The following SYNE1 variants were observed in gnomAD, a reference collection of about 807,000 sequenced individuals.
The protein encoded by SYNE1 is nesprin-1.
In SYNE1, 616 loss-of-function variants were observed where a neutral mutation model predicts 1,111.0. The ratio of observed to expected loss-of-function variants is 0.55; its 90% CI spans 0.52 to 0.59. The LOEUF (loss-of-function observed/expected upper bound fraction) is 0.59. Ranked by LOEUF, SYNE1 falls within the 20% of genes least tolerant of loss-of-function variation. SYNE1 has a pLI of 0.00. For synonymous variants in SYNE1, 3,855 were observed against 3,825.8 expected (o/e 1.01, Z -0.28); for missense variants, 10,006 against 10,417.0 (o/e 0.96, Z 1.72).
rs111619095 is a variant in SYNE1, at chr6:152,569,858, G to A, written c.68-29837C>T. 7.0e-3 allele frequency among the ~76,000 whole-genome samples: 1,066 copies of A among 152,214 alleles called. 20 individuals carry two copies. The highest frequency in any genetic ancestry group is 0.024 in the African/African-American group (1,015 of 41,530). On this transcript the variant is annotated intron_variant, in intron 3 of 145. Transcript: ENST00000367255. ...TATGTTTGTTTGATTTTTGATGCTA[G>A]TAAAATAGCTGTAGAAACAAGTCTT...
chr6:152,254,849 G>A (rs1370469345), intron 104 of SYNE1, 31 bp downstream of exon 104: 6 of 1,588,608 alleles, frequency 3.8e-6, no homozygotes, highest in Non-Finnish European at 5.2e-6. Flanking sequence ...CTAGAGAATG[G>A]TCACGTATCC....
In SYNE1 at chr6:152,236,948, T is replaced by C; in HGVS notation, c.20068A>G (p.Thr6690Ala). The change falls in exon 109 of 146, where the codon ACG (threonine) becomes GCG (alanine). Residue 6690 changes from threonine to alanine, a missense_variant and splice_region_variant. Transcript: ENST00000367255. Reference sequence around the variant, plus strand: ...TGGTCCTCATCCAGATGGGACCACGTCTAGAAACACAACATGAGTCTGTGA... The same window carrying C: ...TGGTCCTCATCCAGATGGGACCACGCCTAGAAACACAACATGAGTCTGTGA... Reference protein sequence around the residue: ...RGVELEYILETWSHLDEDQQE... With the variant: ...RGVELEYILEAWSHLDEDQQE... The C allele has an allele frequency of 6.2e-7, 1 of 1,613,750 alleles. No homozygotes were observed. The highest frequency in any genetic ancestry group is 8.5e-7 in the Non-Finnish European group (1 of 1,179,960).
chr6:152,180,383 A>C, intron 128 of SYNE1, 89 bp from the exon 129 acceptor site: 1 of 1,256,674 alleles, frequency 8.0e-7, no homozygotes, highest in Non-Finnish European at 1.1e-6. Context: ...CTAGGACTAA[A>C]ATGAATGATA....
chr6:152,451,035 T>C lies in SYNE1; in HGVS notation c.3186+12A>G. The C allele has an allele frequency of 6.2e-7, 1 of 1,614,152 alleles. No homozygotes were observed. Among genetic ancestry groups the C allele is most frequent in the South Asian group, 1.1e-5 (1 of 91,074 alleles). On this transcript the variant is annotated intron_variant, in intron 26 of 145. Transcript: ENST00000367255. ...TGACACGGCTATCCACATTGTGGTG[T>C]GGGAGACGTACCCTGTGCTCTTTAA...
Position 152,196,807 on chromosome 6 carries a change from C to T in SYNE1, c.23145+5017G>A, listed in dbSNP as rs117023348. On this transcript the variant is annotated intron_variant, in intron 127 of 145. Coordinates refer to ENST00000367255, the MANE Select transcript of SYNE1 (RefSeq NM_182961.4). The stretch of plus-strand genomic sequence containing the variant: ...TGGTGTGTCACCGGGTCATGTACCC[C>T]CAAGTCCACTGGCTCCAAGCCCAGT... Among the ~76,000 whole-genome samples the T allele has an allele frequency of 1.4e-4, 21 of 152,112 alleles. 1 individual carries two copies. In the East Asian group the frequency reaches 4.1e-3, roughly 30 times the overall value.
chr6:152,397,602 A>C (rs181542972), intron 49 of SYNE1, among the ~76,000 whole-genome samples: 90 of 152,322 alleles, frequency 5.9e-4, no homozygotes, highest in African/African-American at 2.0e-3. Context: ...AGCTTCCTTT[A>C]CTATAACGAT....
At chr6:152,130,839 A>G in intron 144 of SYNE1, 61 bp from the exon 145 acceptor site, 2 of 1,552,564 alleles carry the variant, frequency 1.3e-6, no homozygotes, top group Non-Finnish European at 8.9e-7. Context: ...AATAAAGACA[A>G]GCTACTAATG....
chr6:152,384,919 T>C (rs1037500731), intron 55 of SYNE1, among the ~76,000 whole-genome samples: 1 of 151,998 alleles, frequency 6.6e-6, no homozygotes, highest in African/African-American at 2.4e-5. Flanking sequence ...GTGGTTACAA[T>C]TGTAACCATC....
At chr6:152,195,407 C>A (rs549166401) in intron 127 of SYNE1, among the ~76,000 whole-genome samples, 85 of 152,238 alleles carry the variant, frequency 5.6e-4, no homozygotes, top group African/African-American at 1.9e-3. Flanking sequence ...TAGTTGTAGT[C>A]GGGACTTGTT....
rs869031827 is a variant in SYNE1 at position 152,377,608 on chromosome 6, T to TA, written c.9010-697dup. Among the ~76,000 whole-genome samples the TA allele has an allele frequency of 3.9e-3, 121 of 31,298 alleles. 9 individuals are homozygous for TA. The highest frequency in any genetic ancestry group is 5.5e-3 in the Non-Finnish European group (89 of 16,162). 20.5% of individuals were successfully genotyped at this position (31,298 alleles called of 152,430 possible). The stretch of plus-strand genomic sequence containing the variant: ...TGGGGGACAGAACGAAACTCCGTCT[T>TA]AAAAAAAAAAAAAAAAAAAAAAAAA... On this transcript the variant is annotated intron_variant, in intron 56 of 145. Coordinates refer to ENST00000367255, the MANE Select transcript of SYNE1 (RefSeq NM_182961.4).
At chr6:152,339,133 T>C in intron 75 of SYNE1, 108 bp downstream of exon 75, 2 of 1,450,970 alleles carry the variant, frequency 1.4e-6, no homozygotes, top group South Asian at 2.3e-5. Flanking sequence ...AACCATTACA[T>C]ACAGCAAGAA....
At chr6:152,614,099 C>A (rs867984691) in intron 3 of SYNE1, among the ~76,000 whole-genome samples, 2 of 152,210 alleles carry the variant, frequency 1.3e-5, no homozygotes, top group African/African-American at 4.8e-5. Flanking sequence ...GACTAAAACA[C>A]CAAAAGCAAT....
rs778555221 is a variant in SYNE1, at chr6:152,330,666, C to T, written c.14019G>A (p.Arg4673=). ...FYKVQEAILA[R]KEYASLIELT... The stretch of plus-strand genomic sequence containing the variant: ...ACTCAATCAAGGAAGCATATTCCTT[C>T]CGAGCAAGAATTGCTTCCTGGACTT... The change falls in exon 78 of 146, where the codon CGG becomes CGA. Residue 4673 remains arginine (R), a synonymous_variant. Transcript: ENST00000367255. 1.9e-6 allele frequency: 3 copies of T among 1,613,900 alleles called. No individual in the cohort carries two copies. The highest frequency in any genetic ancestry group is 1.7e-5 in the Admixed American group (1 of 60,016).
At chr6:152,602,818 G>A (rs576963508) in intron 3 of SYNE1, among the ~76,000 whole-genome samples, 1 of 152,196 alleles carries the variant, frequency 6.6e-6, no homozygotes, top group Admixed American at 6.5e-5. Context: ...GAGAGGGAGA[G>A]GAAAAGGAGG....
chr6:152,612,859 A>G (rs1382585599), intron 3 of SYNE1, among the ~76,000 whole-genome samples: 1 of 152,226 alleles, frequency 6.6e-6, no homozygotes, highest in Admixed American at 6.5e-5. Flanking sequence ...AAATCAGTAA[A>G]CGTAATCCAT....
rs749565728 is a variant in SYNE1, at chr6:152,385,794, C to CA, written c.8531dup (p.Met2844IlefsTer41). On this transcript the variant is annotated frameshift_variant, in exon 55 of 146. Transcript: ENST00000367255. LOFTEE classifies it high-confidence loss of function. ...TGAACTCGTGGACCGCATCTAAATA[C>CA]ATTAGATGATCTTTCACAATCTCTT... The CA allele has an allele frequency of 6.2e-7, 1 of 1,614,024 alleles. No individual in the cohort carries two copies. The highest frequency in any genetic ancestry group is 2.2e-5 in the East Asian group (1 of 44,868).
chr6:152,604,827 G>C (rs2099607200), intron 3 of SYNE1, among the ~76,000 whole-genome samples: 1 of 150,354 alleles, frequency 6.7e-6, no homozygotes, highest in African/African-American at 2.5e-5. Flanking sequence ...GGTGGTGTGT[G>C]CCTGTAGTCC....
At position 152,396,779 on chromosome 6, in the gene SYNE1, C is replaced by T. The variant is rs529154098; in HGVS notation, c.7552G>A (p.Gly2518Arg). 6.2e-7 allele frequency: 1 copy of T among 1,614,044 alleles called. No homozygotes were observed. The highest frequency in any genetic ancestry group is 1.1e-5 in the South Asian group (1 of 91,078). Reference protein sequence around the residue: ...QALQDCASELGSFEDQHRKLN... With the variant: ...QALQDCASELRSFEDQHRKLN... ...ATGTTTGTTAAACTAACCTACCTTCCAAGTTCTGAAGCACAGTCTTGAAGA... is the reference window on the plus strand; with the variant it reads ...ATGTTTGTTAAACTAACCTACCTTCTAAGTTCTGAAGCACAGTCTTGAAGA... Residue 2518 changes from glycine to arginine, a missense_variant, in exon 50 of 146, where the codon GGA (glycine) becomes AGA (arginine). Around this residue, in one of 7 missense-constraint regions of SYNE1, gnomAD observed 4,955 missense variants for 5,017.2 expected, o/e 0.99. Coordinates refer to ENST00000367255, the MANE Select transcript of SYNE1 (RefSeq NM_182961.4).
intron 80 of SYNE1, 143 bp downstream of exon 80, chr6:152,325,815 T>G: frequency 9.2e-7 from 1 of 1,092,160 alleles, no homozygotes; most frequent in Non-Finnish European, 1.3e-6. Context: ...TTAATAAACT[T>G]AAAACTTCTA....
Sources: allele counts gnomAD v4.1 joint callset (sites outside exome capture counted in the v4.1 genomes callset), GRCh38; gene constraint gnomAD v4.1.1; regional missense constraint gnomAD v4.1.1; transcripts MANE v1.5; gene names NCBI Gene and HGNC (gene_info 2026-07-23, HGNC 2026-07-21).